Variants in GFPT1 observed in about 807,000 individuals in gnomAD.
GFPT1 encodes the protein glutamine--fructose-6-phosphate transaminase 1.
In GFPT1, 40 loss-of-function variants were observed where a neutral mutation model predicts 92.0. That is an observed-to-expected ratio of 0.43 (90% CI 0.34 to 0.57). The LOEUF is 0.57. GFPT1 is among the 20% of genes least tolerant of loss of function. The pLI, the probability that GFPT1 is intolerant of heterozygous loss-of-function variation, is 0.02. For missense variants in GFPT1, 448 were observed against 869.1 expected (o/e 0.52, Z 6.09); for synonymous variants, 269 against 280.6 (o/e 0.96, Z 0.41).
intron 12 of GFPT1, among the ~76,000 whole-genome samples, chr2:69,343,842 T>C (rs554613349): frequency 6.6e-6 from 1 of 152,300 alleles, no homozygotes; most frequent in Admixed American, 6.5e-5. Flanking sequence ...GTTTCTCTAT[T>C]TTAAAAAATT....
chr2:69,373,398 C>G (rs1249310856), intron 2 of GFPT1, among the ~76,000 whole-genome samples: 22 of 152,168 alleles, frequency 1.4e-4, no homozygotes, highest in Admixed American at 1.3e-3. Context: ...AGGAGGATCA[C>G]TTGAGGCCAG....
rs191459244 is a variant in GFPT1, at chr2:69,359,447, G to A, written c.350-121C>T. On this transcript the variant is annotated intron_variant, in intron 4 of 19. Transcript: ENST00000357308. Reference sequence around the variant, plus strand: ...TTTTAACATGCTATATACTATTTATGTTATTTATAACATAATTACATCTAC... The same window carrying A: ...TTTTAACATGCTATATACTATTTATATTATTTATAACATAATTACATCTAC... The A allele has an allele frequency of 6.2e-4, 397 of 639,448 alleles. 12 individuals are homozygous for A. In the East Asian group the frequency reaches 0.012, roughly 19 times the overall value. 39.6% of individuals were successfully genotyped at this position (639,448 alleles called of 1,614,324 possible). A position where few individuals can be genotyped will look rare whatever the true frequency, so the allele number is the denominator to read the frequency against.
chr2:69,375,595 G>C (rs1333353026), intron 1 of GFPT1, among the ~76,000 whole-genome samples: 2 of 151,990 alleles, frequency 1.3e-5, no homozygotes, highest in Non-Finnish European at 2.9e-5. Context: ...AGCAGTTCCA[G>C]GCCAAAGACT....
At chr2:69,355,020 A>AAAATATTCT (rs1374515493) in intron 7 of GFPT1, among the ~76,000 whole-genome samples, 5 of 152,168 alleles carry the variant, frequency 3.3e-5, no homozygotes, top group African/African-American at 1.2e-4. Context: ...ATTCTCTATC[A>AAAATATTCT]GGGGTCAGCA....
intron 12 of GFPT1, among the ~76,000 whole-genome samples, chr2:69,344,898 G>A (rs979250566): frequency 5.9e-5 from 9 of 151,956 alleles, no homozygotes; most frequent in Admixed American, 3.3e-4. Context: ...TTCCCAAAGC[G>A]CTGGGATTAC....
At chr2:69,368,991 C>T (rs1197688544) in intron 3 of GFPT1, among the ~76,000 whole-genome samples, 2 of 152,154 alleles carry the variant, frequency 1.3e-5, no homozygotes, top group African/African-American at 4.8e-5. Flanking sequence ...CTATGTATTC[C>T]CAGTCTCGTC....
rs750235534 is a variant in GFPT1, at chr2:69,363,612, G to A, written c.282C>T (p.Thr94=). The change falls in exon 4 of 20, where the codon ACC becomes ACT. Residue 94 remains threonine (T), a synonymous_variant. Transcript: ENST00000357308. ...EFDVHLGIAH[T]RWATHGEPSP... is the part of the protein sequence containing the mutation. ...TGGGTTCTCCATGTGTTGCCCAACG[G>A]GTATGAGCTATTCCAAGGTGTACAT... 3 of 1,610,388 alleles carry A rather than the reference G, an allele frequency of 1.9e-6. No individual in the cohort carries two copies. Among genetic ancestry groups the A allele is most frequent in the South Asian group, 1.1e-5 (1 of 90,996 alleles).
chr2:69,374,935 T>C (rs566575703), intron 1 of GFPT1, among the ~76,000 whole-genome samples: 5 of 152,328 alleles, frequency 3.3e-5, no homozygotes, highest in East Asian at 1.9e-4. Context: ...TAAAAGATAA[T>C]TGCTTGAATT....
At chr2:69,350,325 AC>A in intron 9 of GFPT1, 142 bp from the exon 10 acceptor site, 1 of 658,476 alleles carries the variant, frequency 1.5e-6, no homozygotes, top group Non-Finnish European at 2.7e-6. Context: ...CAAGTAGATC[AC>A]CTTATTTCCA....
chr2:69,347,848 T>C (rs1239637331), intron 11 of GFPT1, among the ~76,000 whole-genome samples: 3 of 152,178 alleles, frequency 2.0e-5, no homozygotes, highest in Admixed American at 2.0e-4. Flanking sequence ...TCATGTTATA[T>C]ATAAGAAAAC....
In GFPT1 at chr2:69,326,183, T is replaced by C. The variant is rs749977760; in HGVS notation, c.*6A>G. ...TACAGTTTCGTACATTTTGTATAGA[T>C]ATTCCTCACTCTACAGTCACAGATT... On this transcript the variant is annotated 3_prime_UTR_variant, in exon 20 of 20. Transcript: ENST00000357308. 5 of 1,563,198 alleles carry C rather than the reference T, an allele frequency of 3.2e-6. No homozygotes were observed. The Admixed American group carries it at 6.7e-5, about 21-fold the overall frequency.
At chr2:69,359,440 T>C in intron 4 of GFPT1, 114 bp from the exon 5 acceptor site, 1 of 640,720 alleles carries the variant, frequency 1.6e-6, no homozygotes, top group South Asian at 1.7e-5. Context: ...TGCTATATAC[T>C]ATTTATGTTA....
chr2:69,340,817 AGAG>A (rs1670931468), intron 13 of GFPT1, among the ~76,000 whole-genome samples: 1 of 152,228 alleles, frequency 6.6e-6, no homozygotes, highest in Non-Finnish European at 1.5e-5. Flanking sequence ...GAATTCTAAC[AGAG>A]TATATAATTT....
intron 13 of GFPT1, among the ~76,000 whole-genome samples, chr2:69,341,788 A>C (rs1392305547): frequency 6.6e-6 from 1 of 152,206 alleles, no homozygotes; most frequent in African/African-American, 2.4e-5. Context: ...CACATGATGC[A>C]GGCCATCTGT....
chr2:69,359,534 G>A (rs1463419501), intron 4 of GFPT1, among the ~76,000 whole-genome samples: 2 of 152,146 alleles, frequency 1.3e-5, no homozygotes, highest in Non-Finnish European at 1.5e-5. Flanking sequence ...CATAGCTGAA[G>A]CAAACAGTGC....
At chr2:69,331,019 A>T (rs1430482404) in intron 15 of GFPT1, among the ~76,000 whole-genome samples, 1 of 152,238 alleles carries the variant, frequency 6.6e-6, no homozygotes, top group Non-Finnish European at 1.5e-5. Context: ...GAACTAAAAG[A>T]CAATTAGTTT....
At chr2:69,348,101 G>A in intron 11 of GFPT1, 70 bp downstream of exon 11, 1 of 1,176,184 alleles carries the variant, frequency 8.5e-7, no homozygotes, top group Non-Finnish European at 1.3e-6. Flanking sequence ...GATTTAATAT[G>A]CTAGGAAAGG....
rs140390153 is a variant in GFPT1 at position 69,346,387 on chromosome 2, T to A, written c.1010-388A>T. Among the ~76,000 whole-genome samples, 406 of 152,128 alleles carry A rather than the reference T, an allele frequency of 2.7e-3. 16 individuals carry two copies. The East Asian group carries it at 0.07, about 26-fold the overall frequency. ...CTGAGTAGCTGTGACTACAGGCGTG[T>A]GCTACCACGCCCGGCTAATTTTTTG... On this transcript the variant is annotated intron_variant, in intron 11 of 19. Transcript: ENST00000357308.
At chr2:69,381,607 G>A (rs1408310408) in intron 1 of GFPT1, among the ~76,000 whole-genome samples, 1 of 149,248 alleles carries the variant, frequency 6.7e-6, no homozygotes, top group African/African-American at 2.5e-5. Context: ...ACCCAGGCTG[G>A]AGTGCAGCAG....
Sources: allele counts gnomAD v4.1 joint callset (sites outside exome capture counted in the v4.1 genomes callset), GRCh38; gene constraint gnomAD v4.1.1; transcripts MANE v1.5; gene names NCBI Gene and HGNC (gene_info 2026-07-23, HGNC 2026-07-21).